Variants in TBC1D5 observed in about 807,000 individuals in gnomAD.
TBC1D5 encodes the protein TBC1 domain family member 5.
In TBC1D5, 75 loss-of-function variants were observed where a neutral mutation model predicts 100.3. That is an observed-to-expected ratio of 0.75 (90% CI 0.62 to 0.91). The LOEUF is 0.91. Among genes scored for constraint, TBC1D5 ranks in the 40% least tolerant of loss-of-function variants. TBC1D5 has a pLI of 0.00. For synonymous variants in TBC1D5, 323 were observed against 325.6 expected (o/e 0.99, Z 0.09); for missense variants, 910 against 942.4 (o/e 0.97, Z 0.45).
At chr3:17,585,691 G>A (rs2096728344) in intron 2 of TBC1D5, among the ~76,000 whole-genome samples, 1 of 152,130 alleles carries the variant, frequency 6.6e-6, no homozygotes, top group Admixed American at 6.6e-5. Flanking sequence ...CTAAAGCTGG[G>A]TTTCTGAAAC....
At chr3:17,723,868 T>G (rs2075891279) in intron 1 of TBC1D5, among the ~76,000 whole-genome samples, 1 of 152,124 alleles carries the variant, frequency 6.6e-6, no homozygotes, top group Admixed American at 6.5e-5. Context: ...AGGGAGTGGG[T>G]ACCCTTAACT....
intron 1 of TBC1D5, among the ~76,000 whole-genome samples, chr3:17,631,059 A>AAG (rs1553888488): frequency 1.1e-4 from 15 of 133,376 alleles, no homozygotes; most frequent in Admixed American, 1.6e-4. Context: ...AAAAAAAAAA[A>AAG]AAAGTTAGGC....
intron 8 of TBC1D5, among the ~76,000 whole-genome samples, chr3:17,387,657 T>C (rs923922141): frequency 1.3e-5 from 2 of 151,904 alleles, no homozygotes; most frequent in Non-Finnish European, 2.9e-5. Context: ...TTCTAGGTTT[T>C]ATTTACCCCT....
At chr3:17,601,850 G>A (rs539052208) in intron 2 of TBC1D5, among the ~76,000 whole-genome samples, 41 of 151,974 alleles carry the variant, frequency 2.7e-4, no homozygotes, top group African/African-American at 9.7e-4. Flanking sequence ...TATTTTTTGA[G>A]ACCGAGTCTC....
intron 21 of TBC1D5, among the ~76,000 whole-genome samples, chr3:17,166,314 C>T (rs995982271): frequency 6.6e-6 from 1 of 152,204 alleles, no homozygotes. Flanking sequence ...TGAGAAGTCC[C>T]TCCCCATGAA....
chr3:17,638,438 G>A (rs180904377), intron 1 of TBC1D5, among the ~76,000 whole-genome samples: 18 of 152,004 alleles, frequency 1.2e-4, no homozygotes, highest in Admixed American at 7.2e-4. Flanking sequence ...TTTTGTGACT[G>A]GCTTCTGAGT....
intron 3 of TBC1D5, among the ~76,000 whole-genome samples, chr3:17,463,411 C>T (rs1019543299): frequency 6.6e-6 from 1 of 152,114 alleles, no homozygotes; most frequent in African/African-American, 2.4e-5. Flanking sequence ...TTTCTGGCTT[C>T]TCTGGTCATT....
At position 17,498,297 on chromosome 3, in the gene TBC1D5, C is replaced by T. The variant is rs2095741184; in HGVS notation, c.97+10177G>A. On this transcript the variant is annotated intron_variant, in intron 3 of 21. Transcript: ENST00000253692. ...AAAAAAATGATTGCAAGTTTCAAAA[C>T]AACTATTTGATTAACAAGGAAGCCC... Among the ~76,000 whole-genome samples the T allele has an allele frequency of 2.6e-5, 4 of 151,986 alleles. No individual in the cohort carries two copies. In the South Asian group the frequency reaches 8.3e-4, roughly 32 times the overall value.
At chr3:17,570,305 G>C (rs2096619214) in intron 2 of TBC1D5, among the ~76,000 whole-genome samples, 1 of 151,924 alleles carries the variant, frequency 6.6e-6, no homozygotes, top group Non-Finnish European at 1.5e-5. Context: ...CCAGCAGCTT[G>C]ACAGATTTTT....
At chr3:17,493,824 T>A (rs1344098749) in intron 3 of TBC1D5, among the ~76,000 whole-genome samples, 1 of 152,216 alleles carries the variant, frequency 6.6e-6, no homozygotes, top group Non-Finnish European at 1.5e-5. Flanking sequence ...TAACAACTCC[T>A]GTAATATTTT....
chr3:17,604,886 G>C (rs992939689), intron 2 of TBC1D5, among the ~76,000 whole-genome samples: 2 of 152,088 alleles, frequency 1.3e-5, no homozygotes, highest in African/African-American at 4.8e-5. Context: ...ATGTTGGCCA[G>C]GCTGGACTCC....
At chr3:17,508,660 G>A in intron 2 of TBC1D5, 55 bp from the exon 3 acceptor site, 4 of 888,970 alleles carry the variant, frequency 4.5e-6, no homozygotes, top group Non-Finnish European at 7.4e-6. Flanking sequence ...TGCTATGACT[G>A]GGAATAAATA....
chr3:17,522,194 G>T (rs1279609672), intron 2 of TBC1D5, among the ~76,000 whole-genome samples: 2 of 151,956 alleles, frequency 1.3e-5, no homozygotes, highest in South Asian at 4.2e-4. Flanking sequence ...ATCTGACTTG[G>T]GGGTTTCTCT....
intron 2 of TBC1D5, among the ~76,000 whole-genome samples, chr3:17,584,818 A>G (rs1222925976): frequency 6.6e-6 from 1 of 152,104 alleles, no homozygotes; most frequent in Non-Finnish European, 1.5e-5. Flanking sequence ...CATGACGCCC[A>G]GCTAGTTTTT....
chr3:17,656,973 G>A (rs2066128178), intron 1 of TBC1D5, among the ~76,000 whole-genome samples: 1 of 152,082 alleles, frequency 6.6e-6, no homozygotes, highest in Non-Finnish European at 1.5e-5. Context: ...ATTATCCTAT[G>A]AATTTAATAG....
At chr3:17,698,794 T>C (rs1457275525) in intron 1 of TBC1D5, among the ~76,000 whole-genome samples, 3 of 147,330 alleles carry the variant, frequency 2.0e-5, no homozygotes, top group East Asian at 4.2e-4. Context: ...CATGAAAAAA[T>C]GCTCATCATC....
intron 1 of TBC1D5, among the ~76,000 whole-genome samples, chr3:17,669,126 G>C (rs1000198066): frequency 6.6e-6 from 1 of 152,162 alleles, no homozygotes; most frequent in African/African-American, 2.4e-5. Flanking sequence ...TCTCATGATA[G>C]TGAGTGAGTT....
chr3:17,633,699 CAACACTAAATATA>C (rs2063677313), intron 1 of TBC1D5, among the ~76,000 whole-genome samples: 1 of 151,910 alleles, frequency 6.6e-6, no homozygotes, highest in South Asian at 2.1e-4. Context: ...AGAATCATTC[CAACACTAAATATA>C]AATGCTTTTT....
chr3:17,349,859 G>A (rs1268832199), intron 13 of TBC1D5, among the ~76,000 whole-genome samples: 1 of 152,138 alleles, frequency 6.6e-6, no homozygotes, highest in Non-Finnish European at 1.5e-5. Context: ...GGAAAAAAAT[G>A]CATATCTCCC....
Sources: gnomAD v4.1 joint callset for allele counts (sites outside exome capture counted in the v4.1 genomes callset) on GRCh38, gnomAD v4.1.1 for gene constraint, MANE v1.5 for transcripts, NCBI Gene and HGNC (gene_info 2026-07-23, HGNC 2026-07-21) for gene names.